Variants in PKIA observed in about 807,000 individuals in gnomAD.
PKIA encodes the protein PKI-alpha.
In PKIA, 4 loss-of-function variants were observed where a neutral mutation model predicts 7.6. The observed-to-expected ratio is 0.52, with a 90% CI of 0.26 to 1.20. PKIA has a LOEUF of 1.20. PKIA is among the 50% of genes most tolerant of loss of function. PKIA has a pLI of 0.13. For synonymous variants in PKIA, 21 were observed against 30.7 expected (o/e 0.68, Z 1.04); for missense variants, 73 against 86.2 (o/e 0.85, Z 0.61).
At chr8:78,561,143 G>T (rs7844853) in intron 1 of PKIA, among the ~76,000 whole-genome samples, 36,068 of 151,918 alleles carry the variant, frequency 0.24, 4,929 homozygotes, top group African/African-American at 0.38. Flanking sequence ...TCTGAGATAG[G>T]GGGCTTTAAG....
chr8:78,519,360 C>A (rs1361632116), intron 1 of PKIA, among the ~76,000 whole-genome samples: 1 of 152,076 alleles, frequency 6.6e-6, no homozygotes, highest in African/African-American at 2.4e-5. Flanking sequence ...ATTGCTTGAG[C>A]CCAGGAGTCT....
In PKIA at chr8:78,602,120, A is replaced by T. The variant is rs1366517375; in HGVS notation, c.*299A>T. 3.4e-6 allele frequency: 1 copy of T among 289,942 alleles called. No individual in the cohort carries two copies. Among genetic ancestry groups the T allele is most frequent in the East Asian group, 7.3e-5 (1 of 13,726 alleles). 18.0% of individuals were successfully genotyped at this position (289,942 alleles called of 1,614,324 possible). On this transcript the variant is annotated 3_prime_UTR_variant, in exon 4 of 4. Coordinates refer to ENST00000396418, the MANE Select transcript of PKIA (RefSeq NM_006823.4). ...CTTATAGAGAGTAGCTCCGACCTAG[A>T]TGATGATTCTTCCTGTAGCATCTGG... is the stretch of plus-strand genomic sequence containing the variant.
At position 78,553,462 on chromosome 8, in the gene PKIA, C is replaced by CT. The variant is rs1807039333; in HGVS notation, c.-156-19342dup. On this transcript the variant is annotated intron_variant, in intron 1 of 3. Transcript: ENST00000396418. ...CCATCAACTCTTAAGTGGTGTCATT[C>CT]TTTTTTTCTCATAGAAGAATTGTTT... Among the ~76,000 whole-genome samples the CT allele has an allele frequency of 2.0e-5, 3 of 151,950 alleles. No homozygotes were observed. In the South Asian group the frequency reaches 6.2e-4, roughly 31 times the overall value.
At chr8:78,591,110 A>G (rs1337562112) in intron 2 of PKIA, 1 of 152,522 alleles carries the variant, frequency 6.6e-6, no homozygotes, top group African/African-American at 2.4e-5. Context: ...CTTTCCTCCA[A>G]GTCTGTGAGT....
At chr8:78,597,754 G>T (rs773768172) in intron 2 of PKIA, among the ~76,000 whole-genome samples, 1 of 152,088 alleles carries the variant, frequency 6.6e-6, no homozygotes, top group Non-Finnish European at 1.5e-5. Flanking sequence ...TTTGTTTTAC[G>T]TATTGGCTAT....
rs1200151022 is a variant in PKIA at position 78,604,173 on chromosome 8, T to C, written c.*2352T>C. The C allele has an allele frequency of 6.6e-6, 1 of 152,036 alleles. No homozygotes were observed. Among genetic ancestry groups the C allele is most frequent in the Non-Finnish European group, 1.5e-5 (1 of 67,958 alleles). 9.4% of individuals were successfully genotyped at this position (152,036 alleles called of 1,614,324 possible). On this transcript the variant is annotated 3_prime_UTR_variant, in exon 4 of 4. Coordinates refer to ENST00000396418, the MANE Select transcript of PKIA (RefSeq NM_006823.4). ...AAGGAAAGGGTAGGAAACCAGGGCC[T>C]TGGGTTTAGTAACAGGCATTGGATG...
Position 78,525,664 on chromosome 8 carries a change from G to A in PKIA, c.-157+9196G>A, listed in dbSNP as rs542756230. ...TAGGTTAATCTCAAAATGTCTGACT[G>A]TAAAGTTGTAACAATTTTATTCTTA... On this transcript the variant is annotated intron_variant, in intron 1 of 3. Coordinates refer to ENST00000396418, the MANE Select transcript of PKIA (RefSeq NM_006823.4). Among the ~76,000 whole-genome samples the A allele has an allele frequency of 2.6e-5, 4 of 152,188 alleles. No individual in the cohort carries two copies. In the South Asian group the frequency reaches 6.2e-4, roughly 24 times the overall value.
intron 1 of PKIA, chr8:78,535,106 AAATGT>A (rs1287480089): frequency 7.2e-5 from 11 of 152,142 alleles, no homozygotes; most frequent in Non-Finnish European, 1.6e-4. Context: ...AGCACTGTTT[AAATGT>A]AAAGAGCAGT....
At chr8:78,522,587 T>G (rs1809437129) in intron 1 of PKIA, among the ~76,000 whole-genome samples, 1 of 151,968 alleles carries the variant, frequency 6.6e-6, no homozygotes, top group Non-Finnish European at 1.5e-5. Context: ...ATATTCTCTC[T>G]TTTTTCATTT....
intron 2 of PKIA, among the ~76,000 whole-genome samples, chr8:78,585,889 A>C (rs1201477582): frequency 6.6e-6 from 1 of 152,186 alleles, no homozygotes; most frequent in African/African-American, 2.4e-5. Context: ...TGGCATATTA[A>C]AATGGCATTC....
intron 1 of PKIA, among the ~76,000 whole-genome samples, chr8:78,565,691 G>T (rs1329240188): frequency 6.6e-6 from 1 of 151,730 alleles, no homozygotes; most frequent in Non-Finnish European, 1.5e-5. Context: ...AAAGTAATTA[G>T]GGTTTTTTTT....
At chr8:78,543,775 G>T (rs1449857392) in intron 1 of PKIA, among the ~76,000 whole-genome samples, 1 of 152,146 alleles carries the variant, frequency 6.6e-6, no homozygotes, top group Non-Finnish European at 1.5e-5. Flanking sequence ...AAGAGAATTG[G>T]TGTTTTCTTT....
In PKIA at chr8:78,604,208, CAACT is replaced by C. The variant is rs1477142610; in HGVS notation, c.*2389_*2392del. The C allele has an allele frequency of 6.6e-6, 1 of 151,916 alleles. No individual in the cohort carries two copies. The highest frequency in any genetic ancestry group is 1.5e-5 in the Non-Finnish European group (1 of 67,924). The allele number at this position is 151,916 out of a possible 1,614,324, so 9.4% of individuals were successfully genotyped here. The stretch of plus-strand genomic sequence containing the variant: ...TAACAGGCATTGGATGTCTATTAAC[CAACT>C]ATTCTTACGCTAATGGCTTTGCAGC... On this transcript the variant is annotated 3_prime_UTR_variant, in exon 4 of 4. Transcript: ENST00000396418.
At chr8:78,583,553 C>T (rs1454932550) in intron 2 of PKIA, among the ~76,000 whole-genome samples, 1 of 152,062 alleles carries the variant, frequency 6.6e-6, no homozygotes, top group Non-Finnish European at 1.5e-5. Context: ...AATGCTGTTT[C>T]TGTGTTAAAA....
intron 1 of PKIA, among the ~76,000 whole-genome samples, chr8:78,554,946 C>T (rs1454948211): frequency 6.6e-6 from 1 of 151,834 alleles, no homozygotes; most frequent in African/African-American, 2.4e-5. Flanking sequence ...TAAGATGAAC[C>T]AGATTTCTAC....
intron 1 of PKIA, among the ~76,000 whole-genome samples, chr8:78,551,395 G>C (rs1192901517): frequency 6.6e-6 from 1 of 152,026 alleles, no homozygotes; most frequent in South Asian, 2.1e-4. Flanking sequence ...AGTATTACAG[G>C]CTCCACTTCA....
chr8:78,600,099 A>G (rs897615666), intron 3 of PKIA, among the ~76,000 whole-genome samples: 2 of 151,682 alleles, frequency 1.3e-5, no homozygotes, highest in Admixed American at 6.6e-5. Context: ...GTTAATTGCA[A>G]TTCACTAGGC....
At chr8:78,573,589 A>G (rs1163316490) in intron 2 of PKIA, among the ~76,000 whole-genome samples, 1 of 152,048 alleles carries the variant, frequency 6.6e-6, no homozygotes, top group Non-Finnish European at 1.5e-5. Flanking sequence ...AAAAGAAAAA[A>G]ACAGCAGTAA....
Position 78,602,478 on chromosome 8 carries a change from C to T in PKIA, c.*657C>T, listed in dbSNP as rs1808369915. 6.6e-6 allele frequency: 1 copy of T among 152,110 alleles called. No individual in the cohort carries two copies. Among genetic ancestry groups the T allele is most frequent in the African/African-American group, 2.4e-5 (1 of 41,290 alleles). 9.4% of individuals were successfully genotyped at this position (152,110 alleles called of 1,614,324 possible). ...GGTGGTGTACACAGGATAGAACACC[C>T]TTTTTTAAAACACAGTCTTTCCCCT... On this transcript the variant is annotated 3_prime_UTR_variant, in exon 4 of 4. Coordinates refer to ENST00000396418, the MANE Select transcript of PKIA (RefSeq NM_006823.4).
Sources: allele counts gnomAD v4.1 joint callset (sites outside exome capture counted in the v4.1 genomes callset), GRCh38; gene constraint gnomAD v4.1.1; transcripts MANE v1.5; gene names NCBI Gene and HGNC (gene_info 2026-07-23, HGNC 2026-07-21).